The following SGK1 variants were observed in gnomAD, a reference collection of about 807,000 sequenced individuals.
SGK1 encodes serine/threonine-protein kinase Sgk1.
In SGK1, 26 loss-of-function variants were observed where a neutral mutation model predicts 64.2. That is an observed-to-expected ratio of 0.40 (90% confidence interval 0.30 to 0.56). The LOEUF (loss-of-function observed/expected upper bound fraction) is 0.56. Among genes scored for constraint, SGK1 ranks in the 20% least tolerant of loss-of-function variants. The pLI is 0.38. For missense variants in SGK1, 519 were observed against 645.6 expected, an observed-to-expected ratio of 0.80 and a Z score of 2.12; for synonymous variants, 265 against 239.7, an observed-to-expected ratio of 1.11 and a Z score of -0.98.
rs535008164 is a variant in SGK1, at chr6:134,263,384, G to A, written c.70-1236C>T. Among the ~76,000 whole-genome samples the A allele has an allele frequency of 3.3e-5, 5 of 150,910 alleles. No homozygotes were observed. The East Asian group carries it at 5.8e-4, about 18-fold the overall frequency. On this transcript the variant is annotated intron_variant, in intron 1 of 13. Coordinates refer to ENST00000367858, the MANE Select transcript of SGK1 (RefSeq NM_001143676.3). ...CTGGAGTAGCTGAGACCACAGGCTCGCACCATCACACTACTAATTTTTTTT... is the reference window on the plus strand; with the variant it reads ...CTGGAGTAGCTGAGACCACAGGCTCACACCATCACACTACTAATTTTTTTT...
chr6:134,176,790 G>A (rs1249419985), intron 3 of SGK1, among the ~76,000 whole-genome samples: 1 of 152,184 alleles, frequency 6.6e-6, no homozygotes, highest in African/African-American at 2.4e-5. Flanking sequence ...ACCCCCACTT[G>A]CCCTAAAGTG....
intron 8 of SGK1, 51 bp from the exon 9 acceptor site, chr6:134,172,825 T>A: frequency 7.2e-7 from 1 of 1,380,446 alleles, no homozygotes; most frequent in Non-Finnish European, 1.0e-6. Context: ...ATTTAATTAG[T>A]TTTGACATAC....
At chr6:134,192,258 C>T (rs547292516) in intron 3 of SGK1, among the ~76,000 whole-genome samples, 1 of 152,136 alleles carries the variant, frequency 6.6e-6, no homozygotes, top group African/African-American at 2.4e-5. Context: ...GGTCACCATG[C>T]CCGGCCTAAG....
At chr6:134,210,850 G>T (rs1775877658) in intron 2 of SGK1, among the ~76,000 whole-genome samples, 2 of 148,644 alleles carry the variant, frequency 1.3e-5, no homozygotes, top group South Asian at 4.2e-4. Context: ...AAAGGGCCAG[G>T]CATGGTGGCT....
chr6:134,300,707 A>C (rs1777440431), intron 1 of SGK1, among the ~76,000 whole-genome samples: 1 of 138,648 alleles, frequency 7.2e-6, no homozygotes. Context: ...ATCTCGGCTC[A>C]CTACAACCTC....
chr6:134,212,278 C>T (rs184110371), intron 2 of SGK1, among the ~76,000 whole-genome samples: 51 of 152,228 alleles, frequency 3.4e-4, no homozygotes, highest in African/African-American at 8.4e-4. Flanking sequence ...TGGTCTTGAT[C>T]TCCTGACCTC....
At chr6:134,193,759 AAAAAG>A (rs1250875349) in intron 3 of SGK1, among the ~76,000 whole-genome samples, 1 of 57,242 alleles carries the variant, frequency 1.7e-5, no homozygotes, top group African/African-American at 6.6e-5. Flanking sequence ...GGAACAGTTA[AAAAAG>A]AAAAGAAAGG....
intron 2 of SGK1, among the ~76,000 whole-genome samples, chr6:134,242,704 A>G (rs1291004367): frequency 1.3e-5 from 2 of 151,922 alleles, no homozygotes; most frequent in African/African-American, 2.4e-5. Flanking sequence ...GCCTCAAACA[A>G]TCCTCCCTCC....
intron 1 of SGK1, among the ~76,000 whole-genome samples, chr6:134,263,698 G>A (rs1486072982): frequency 6.6e-6 from 1 of 152,086 alleles, no homozygotes; most frequent in Non-Finnish European, 1.5e-5. Context: ...AACAGGCATG[G>A]TATTTATACA....
At chr6:134,264,411 G>A (rs529141698) in intron 1 of SGK1, among the ~76,000 whole-genome samples, 16 of 151,980 alleles carry the variant, frequency 1.1e-4, no homozygotes, top group Non-Finnish European at 1.8e-4. Context: ...GAGCCACTGC[G>A]CCTGGCCATG....
At chr6:134,281,140 A>T (rs564751585) in intron 1 of SGK1, among the ~76,000 whole-genome samples, 2 of 152,304 alleles carry the variant, frequency 1.3e-5, no homozygotes, top group South Asian at 4.1e-4. Flanking sequence ...AGCTTCCTGG[A>T]ATCTGGATTA....
chr6:134,297,205 G>T, intron 1 of SGK1: 1 of 848,078 alleles, frequency 1.2e-6, no homozygotes, highest in South Asian at 1.3e-5. Context: ...CTCACATTCT[G>T]TATCCCAGAC....
At chr6:134,178,987 ATTTTT>A (rs1385727673) in intron 3 of SGK1, among the ~76,000 whole-genome samples, 1 of 151,788 alleles carries the variant, frequency 6.6e-6, no homozygotes, top group East Asian at 1.9e-4. Flanking sequence ...CTTCTATTTT[ATTTTT>A]TTATTTCTTT....
chr6:134,186,953 A>T (rs577522958), intron 3 of SGK1, among the ~76,000 whole-genome samples: 1 of 151,960 alleles, frequency 6.6e-6, no homozygotes, highest in East Asian at 1.9e-4. Context: ...AGTAGCTGGG[A>T]TTACAGGCAC....
rs1562250197 is a variant in SGK1, at chr6:134,206,354, TATATATATATATATATATATATATA to T, written c.361+977_361+1001del. ...GTACCTGATGATATATATATATATATATATATATATATATATATATATATATATATTTTTTTTTTTTTTTTTTTTT... is the reference window on the plus strand; with the variant it reads ...GTACCTGATGATATATATATATATATTATATTTTTTTTTTTTTTTTTTTTT... On this transcript the variant is annotated intron_variant, in intron 3 of 13. Coordinates refer to ENST00000367858, the MANE Select transcript of SGK1 (RefSeq NM_001143676.3). Among the ~76,000 whole-genome samples the T allele has an allele frequency of 1.6e-3, 16 of 9,718 alleles. 1 individual carries two copies. The South Asian group carries it at 0.017, about 10-fold the overall frequency. The allele number at this position is 9,718 out of a possible 152,430, so 6.4% of individuals were successfully genotyped here.
At position 134,262,058 on chromosome 6, in the gene SGK1, G is replaced by C. The variant is rs1218152124; in HGVS notation, c.160C>G (p.Pro54Ala). The C allele has an allele frequency of 6.2e-7, 1 of 1,613,752 alleles. No homozygotes were observed. Among genetic ancestry groups the C allele is most frequent in the Non-Finnish European group, 8.5e-7 (1 of 1,179,642 alleles). ...GACTCGAAGTCTGGCTCCCCTGGAG[G>C]GATGTGCACCATGGAGGAGCCGGTG... ...KYTGSSMVHI[P>A]PGEPDFESSL... is the part of the protein sequence containing the mutation. The change falls in exon 2 of 14, where the codon CCT (proline) becomes GCT (alanine). Residue 54 changes from proline (P) to alanine (A), a missense_variant. By Grantham distance (27) the Pro-to-Ala change is conservative (BLOSUM62 -1). Around this residue, in one of 2 missense-constraint regions of SGK1, gnomAD observed 241 missense variants for 236.9 expected, o/e 1.02. Coordinates refer to ENST00000367858, the MANE Select transcript of SGK1 (RefSeq NM_001143676.3).
chr6:134,189,205 G>GGT (rs71545087), intron 3 of SGK1, among the ~76,000 whole-genome samples: 82,738 of 148,026 alleles, frequency 0.56, 23,913 homozygotes, highest in Non-Finnish European at 0.66. Context: ...CTTTTATACA[G>GGT]GTGTGTGTGT....
chr6:134,192,722 A>G (rs764126387), intron 3 of SGK1, among the ~76,000 whole-genome samples: 88 of 151,774 alleles, frequency 5.8e-4, no homozygotes, highest in Non-Finnish European at 9.4e-4. Context: ...GGCATGCACC[A>G]CCATGCCTGG....
chr6:134,200,529 T>A (rs955498511), intron 3 of SGK1, among the ~76,000 whole-genome samples: 1 of 152,142 alleles, frequency 6.6e-6, no homozygotes, highest in Non-Finnish European at 1.5e-5. Flanking sequence ...ATTCCTTAAT[T>A]CTTCACAAAA....
Sources: gnomAD v4.1 joint callset for allele counts (sites outside exome capture counted in the v4.1 genomes callset) on GRCh38, gnomAD v4.1.1 for gene constraint, gnomAD v4.1.1 regional missense constraint, MANE v1.5 for transcripts, NCBI Gene and HGNC (gene_info 2026-07-23, HGNC 2026-07-21) for gene names.